Variants in WWP2 observed in about 807,000 individuals in gnomAD.
WWP2 encodes NEDD4-like E3 ubiquitin-protein ligase WWP2.
A neutral mutation model predicts 121.0 loss-of-function variants in WWP2; 57 were observed. The observed-to-expected ratio is 0.47, with a 90% CI of 0.38 to 0.59. The LOEUF is 0.59. Ranked by LOEUF, WWP2 falls within the 20% of genes least tolerant of loss-of-function variation. The pLI is 0.00. For synonymous variants in WWP2, 449 were observed against 441.3 expected (o/e 1.02, Z -0.22); for missense variants, 962 against 1,158.9 (o/e 0.83, Z 2.47).
chr16:69,889,243 T>C (rs1264824655), intron 8 of WWP2, among the ~76,000 whole-genome samples: 2 of 152,154 alleles, frequency 1.3e-5, no homozygotes, highest in African/African-American at 4.8e-5. Flanking sequence ...GGAGGATTGC[T>C]TGAGCCAGGA....
intron 1 of WWP2, among the ~76,000 whole-genome samples, chr16:69,783,542 G>T (rs555161438): frequency 6.6e-6 from 1 of 151,872 alleles, no homozygotes; most frequent in East Asian, 1.9e-4. Context: ...GCCAGACCCT[G>T]TGTCTAAATA....
chr16:69,934,984 G>A (rs190760876), intron 17 of WWP2, among the ~76,000 whole-genome samples: 100 of 152,290 alleles, frequency 6.6e-4, no homozygotes, highest in Non-Finnish European at 1.0e-3. Flanking sequence ...CCAGTTCTGG[G>A]GAGGGGCGTC....
chr16:69,792,933 C>T (rs2055943475), intron 2 of WWP2, among the ~76,000 whole-genome samples: 1 of 152,162 alleles, frequency 6.6e-6, no homozygotes, highest in African/African-American at 2.4e-5. Flanking sequence ...TCAGGTGGCC[C>T]TTCTGCCTCG....
Position 69,934,136 on chromosome 16 carries a change from G to A in WWP2, c.1842+7G>A, listed in dbSNP as rs2058760826. On this transcript the variant is annotated splice_region_variant and intron_variant, in intron 17 of 23. Transcript: ENST00000359154. ...AGGCAGATTCATCGCCATGGTAAGG[G>A]GGCCCCAGGGGTCTGCCTAGTTCCC... is the stretch of plus-strand genomic sequence containing the variant. The A allele has an allele frequency of 1.2e-6, 2 of 1,613,912 alleles. No homozygotes were observed. The highest frequency in any genetic ancestry group is 1.7e-6 in the Non-Finnish European group (2 of 1,179,962).
At chr16:69,857,837 T>C (rs1029202099) in intron 6 of WWP2, among the ~76,000 whole-genome samples, 2 of 151,346 alleles carry the variant, frequency 1.3e-5, no homozygotes, top group African/African-American at 4.9e-5. Flanking sequence ...AATTTTTAAA[T>C]TTTTTTTTGT....
intron 1 of WWP2, among the ~76,000 whole-genome samples, chr16:69,767,678 G>A (rs1230741286): frequency 1.3e-5 from 2 of 152,164 alleles, no homozygotes; most frequent in African/African-American, 4.8e-5. Flanking sequence ...TGCTGGAGGG[G>A]GCTATGTGGG....
intron 6 of WWP2, among the ~76,000 whole-genome samples, chr16:69,848,839 A>G (rs1313933061): frequency 6.6e-6 from 1 of 152,114 alleles, no homozygotes; most frequent in Non-Finnish European, 1.5e-5. Flanking sequence ...AGCTGTCAGT[A>G]GTGGCCAGTG....
chr16:69,794,897 T>A (rs2055994606), intron 2 of WWP2, among the ~76,000 whole-genome samples: 1 of 152,166 alleles, frequency 6.6e-6, no homozygotes, highest in Admixed American at 6.5e-5. Context: ...GATTAGGTAC[T>A]GAATTGGGGG....
intron 4 of WWP2, among the ~76,000 whole-genome samples, chr16:69,829,394 A>G (rs2056757020): frequency 6.6e-6 from 1 of 152,110 alleles, no homozygotes; most frequent in Admixed American, 6.5e-5. Context: ...AAACTCTCTA[A>G]CACAGCATGT....
intron 2 of WWP2, 102 bp downstream of exon 2, chr16:69,787,182 A>G: frequency 2.5e-6 from 2 of 804,630 alleles, no homozygotes; most frequent in Non-Finnish European, 3.9e-6. Context: ...GAAATAGTTT[A>G]CATGTGTTAA....
intron 1 of WWP2, among the ~76,000 whole-genome samples, chr16:69,780,814 G>A (rs1444535266): frequency 6.6e-6 from 1 of 152,014 alleles, no homozygotes; most frequent in Admixed American, 6.6e-5. Flanking sequence ...GACTGGCCTG[G>A]GCAAGATGGT....
intron 4 of WWP2, among the ~76,000 whole-genome samples, chr16:69,827,526 A>G (rs770928774): frequency 1.3e-5 from 2 of 152,248 alleles, no homozygotes; most frequent in Non-Finnish European, 2.9e-5. Flanking sequence ...AAAAACTCCA[A>G]TGTATACAAG....
At position 69,903,003 on chromosome 16, in the gene WWP2, G is replaced by C. The variant is rs985610205; in HGVS notation, c.915-5758G>C. Reference sequence around the variant, plus strand: ...CGCAGGGACATTTAATCTGAGCAGGGGTCCAACTGCAAAAGGAAAAAATGA... The same window carrying C: ...CGCAGGGACATTTAATCTGAGCAGGCGTCCAACTGCAAAAGGAAAAAATGA... On this transcript the variant is annotated intron_variant, in intron 8 of 23. Coordinates refer to ENST00000359154, the MANE Select transcript of WWP2 (RefSeq NM_001270454.2). Among the ~76,000 whole-genome samples the C allele has an allele frequency of 7.2e-5, 11 of 152,252 alleles. No individual in the cohort carries two copies. In the South Asian group the frequency reaches 2.1e-3, roughly 29 times the overall value.
chr16:69,921,867 A>G (rs1165305106), intron 10 of WWP2, among the ~76,000 whole-genome samples: 5 of 152,138 alleles, frequency 3.3e-5, no homozygotes, highest in Non-Finnish European at 7.3e-5. Flanking sequence ...TGAGGTCGGG[A>G]GTTCAAGACC....
At chr16:69,867,622 G>A (rs978943212) in intron 6 of WWP2, among the ~76,000 whole-genome samples, 9 of 152,300 alleles carry the variant, frequency 5.9e-5, no homozygotes, top group African/African-American at 1.9e-4. Context: ...TTTGGGGAGC[G>A]TGGGTCCTGG....
chr16:69,781,522 T>C (rs997641890), intron 1 of WWP2, among the ~76,000 whole-genome samples: 1 of 151,598 alleles, frequency 6.6e-6, no homozygotes, highest in East Asian at 2.0e-4. Context: ...AATTTTTGTA[T>C]TTTTTTTGGA....
chr16:69,830,037 G>T (rs531499382), intron 4 of WWP2, among the ~76,000 whole-genome samples: 1 of 151,210 alleles, frequency 6.6e-6, no homozygotes, highest in African/African-American at 2.4e-5. Flanking sequence ...TCATTGCAGC[G>T]TTCGCCTCCT....
chr16:69,807,548 G>A (rs962407966), intron 4 of WWP2, among the ~76,000 whole-genome samples: 7 of 149,264 alleles, frequency 4.7e-5, no homozygotes, highest in Non-Finnish European at 1.0e-4. Context: ...GAGCCCAGGA[G>A]GCTGAGGCTG....
At chr16:69,786,870 G>A (rs2055804156) in intron 1 of WWP2, 126 bp from the exon 2 acceptor site, 2 of 715,860 alleles carry the variant, frequency 2.8e-6, no homozygotes, top group Admixed American at 5.6e-5. Flanking sequence ...CTATACCCTG[G>A]TTGCAGTTGC....
Sources: gnomAD v4.1 joint callset for allele counts (sites outside exome capture counted in the v4.1 genomes callset) on GRCh38, gnomAD v4.1.1 for gene constraint, MANE v1.5 for transcripts, NCBI Gene and HGNC (gene_info 2026-07-23, HGNC 2026-07-21) for gene names.